DPYD: variants seen among roughly 807,000 people sequenced by gnomAD.
DPYD encodes dihydropyrimidine dehydrogenase [NADP(+)].
DPYD carries 109 observed loss-of-function variants against 116.2 expected under a neutral mutation model. That is an observed-to-expected ratio of 0.94 (90% CI 0.80 to 1.10). DPYD has a LOEUF of 1.10. DPYD is among the 50% of genes least tolerant of loss of function. The pLI is 0.00. For missense variants in DPYD, 1,302 were observed against 1,254.5 expected, an observed-to-expected ratio of 1.04 and a Z score of -0.57; for synonymous variants, 440 against 432.0, an observed-to-expected ratio of 1.02 and a Z score of -0.23.
intron 5 of DPYD, among the ~76,000 whole-genome samples, chr1:97,707,455 C>T (rs907879448): frequency 8.5e-6 from 1 of 117,478 alleles, no homozygotes; most frequent in Admixed American, 1.0e-4. Context: ...CCCCCCACCC[C>T]ACAACAGTCC....
At chr1:97,365,473 G>A (rs1670980667) in intron 16 of DPYD, among the ~76,000 whole-genome samples, 1 of 151,992 alleles carries the variant, frequency 6.6e-6, no homozygotes, top group South Asian at 2.1e-4. Flanking sequence ...TCATCCTTAT[G>A]CTATAGTCAA....
chr1:97,648,148 C>T (rs1441666807), intron 8 of DPYD, among the ~76,000 whole-genome samples: 1 of 151,982 alleles, frequency 6.6e-6, no homozygotes, highest in Non-Finnish European at 1.5e-5. Flanking sequence ...TAGTTTTGGT[C>T]TGGCAATCAG....
rs1038952951 is a variant in DPYD at position 97,373,557 on chromosome 1, T to C, written c.2058+4A>G. 5 of 1,613,516 alleles carry C rather than the reference T, an allele frequency of 3.1e-6. No individual in the cohort carries two copies. The African/African-American group carries it at 5.3e-5, about 17-fold the overall frequency. On this transcript the variant is annotated splice_donor_region_variant and intron_variant, in intron 16 of 22. Transcript: ENST00000370192. ...TACTTAGTGGCAGCTGTCAAGGTCC[T>C]TACCTGCCCACAGGCCAGGCCCATT...
rs774500505 is a variant in DPYD at position 97,515,848 on chromosome 1, A to G, written c.1618T>C (p.Leu540=). Residue 540 remains leucine (L), a synonymous_variant, in exon 13 of 23, where the codon TTG becomes CTG. Coordinates refer to ENST00000370192, the MANE Select transcript of DPYD (RefSeq NM_000110.4). The stretch of plus-strand genomic sequence containing the variant: ...AGACCAAAAGGATTTATAAACTTCA[A>G]TCCGGCCATTTCTACACTAATGTCC... ...LVDISVEMAG[L]KFINPFGLAS... is the part of the protein sequence containing the mutation. The G allele has an allele frequency of 6.2e-7, 1 of 1,612,848 alleles. No individual in the cohort carries two copies. The highest frequency in any genetic ancestry group is 8.5e-7 in the Non-Finnish European group (1 of 1,179,274).
In DPYD at chr1:97,280,689, T is replaced by C. The variant is rs1398369771; in HGVS notation, c.2299+24570A>G. 3.3e-5 allele frequency among the ~76,000 whole-genome samples: 5 copies of C among 152,002 alleles called. No homozygotes were observed. In the South Asian group the frequency reaches 6.2e-4, roughly 19 times the overall value. ...CACTCACATGTGGAATCTGAAAAAG[T>C]TGATTTCATGGAAGTAGAGAGTAGA... On this transcript the variant is annotated intron_variant, in intron 18 of 22. Coordinates refer to ENST00000370192, the MANE Select transcript of DPYD (RefSeq NM_000110.4).
intron 15 of DPYD, among the ~76,000 whole-genome samples, chr1:97,379,192 C>T (rs763470782): frequency 7.9e-5 from 12 of 151,914 alleles, no homozygotes; most frequent in Admixed American, 2.6e-4. Flanking sequence ...GAGTTGGGAA[C>T]GTGTTGGAGG....
rs1228179784 is a variant in DPYD, at chr1:97,593,282, C to G, written c.1064G>C (p.Gly355Ala). 6.2e-7 allele frequency: 1 copy of G among 1,614,134 alleles called. No homozygotes were observed. The highest frequency in any genetic ancestry group is 1.1e-5 in the South Asian group (1 of 91,084). ...FDCATSALRCGARRVFIVFRK... is the reference protein window; with the variant it reads ...FDCATSALRCAARRVFIVFRK... Reference sequence around the variant, plus strand: ...GAAGACGATGAACACACGGCGAGCTCCACAACGTAGAGCAGATGTTGCACA... The same window carrying G: ...GAAGACGATGAACACACGGCGAGCTGCACAACGTAGAGCAGATGTTGCACA... Residue 355 changes from glycine (G) to alanine (A), a missense_variant, in exon 10 of 23, where the codon GGA becomes GCA. Coordinates refer to ENST00000370192, the MANE Select transcript of DPYD (RefSeq NM_000110.4).
intron 20 of DPYD, among the ~76,000 whole-genome samples, chr1:97,136,704 G>C (rs543236214): frequency 1.3e-5 from 2 of 152,092 alleles, no homozygotes; most frequent in Non-Finnish European, 2.9e-5. Flanking sequence ...AATCACGAAC[G>C]AATAGTCTGA....
At chr1:97,420,987 AG>A (rs1168053923) in intron 14 of DPYD, among the ~76,000 whole-genome samples, 15 of 152,118 alleles carry the variant, frequency 9.9e-5, no homozygotes, top group African/African-American at 3.6e-4. Flanking sequence ...TGAGATTGTG[AG>A]CACTGTGACA....
intron 8 of DPYD, among the ~76,000 whole-genome samples, chr1:97,601,951 A>G (rs767619489): frequency 6.6e-6 from 1 of 152,042 alleles, no homozygotes; most frequent in Non-Finnish European, 1.5e-5. Context: ...ACTGCTGTCT[A>G]TACTCTTTCT....
intron 20 of DPYD, among the ~76,000 whole-genome samples, chr1:97,117,291 GC>G (rs1652052845): frequency 6.6e-6 from 1 of 152,132 alleles, no homozygotes; most frequent in African/African-American, 2.4e-5. Flanking sequence ...ATCAAGTGTC[GC>G]TCATTTATCT....
At chr1:97,912,623 T>A (rs1674006932) in intron 1 of DPYD, among the ~76,000 whole-genome samples, 1 of 152,108 alleles carries the variant, frequency 6.6e-6, no homozygotes, top group African/African-American at 2.4e-5. Flanking sequence ...GTTTTAAATC[T>A]TCTGTAATAA....
chr1:97,366,886 A>G (rs1327926857), intron 16 of DPYD, among the ~76,000 whole-genome samples: 1 of 152,054 alleles, frequency 6.6e-6, no homozygotes, highest in Admixed American at 6.6e-5. Context: ...AACCTTTGGG[A>G]TTTCTTATAT....
intron 15 of DPYD, among the ~76,000 whole-genome samples, chr1:97,376,887 G>GTGTATATATATATATATATATA: frequency 2.3e-5 from 3 of 128,446 alleles, no homozygotes; most frequent in East Asian, 5.2e-4. Context: ...GTGTGTGTGT[G>GTGTATATATATATATATATATA]TATATATATA....
chr1:97,618,367 G>A (rs929278128), intron 8 of DPYD, among the ~76,000 whole-genome samples: 1 of 145,514 alleles, frequency 6.9e-6, no homozygotes, highest in Middle Eastern at 3.6e-3. Flanking sequence ...TTCTGTCAAG[G>A]ATTTTTTTTC....
intron 18 of DPYD, among the ~76,000 whole-genome samples, chr1:97,303,640 GA>G (rs1429197761): frequency 6.6e-6 from 1 of 151,938 alleles, no homozygotes; most frequent in Non-Finnish European, 1.5e-5. Context: ...TTTAAAGGAG[GA>G]AAACTATATT....
intron 19 of DPYD, among the ~76,000 whole-genome samples, chr1:97,211,524 A>G (rs1390546764): frequency 6.6e-6 from 1 of 152,168 alleles, no homozygotes; most frequent in Non-Finnish European, 1.5e-5. Flanking sequence ...TATGAACCTT[A>G]TGACTGAGTT....
At chr1:97,568,576 A>G (rs1652689378) in intron 11 of DPYD, among the ~76,000 whole-genome samples, 1 of 152,106 alleles carries the variant, frequency 6.6e-6, no homozygotes, top group Non-Finnish European at 1.5e-5. Context: ...CTCTCAGCCA[A>G]TATACCAGAT....
chr1:97,130,316 T>C (rs923480513), intron 20 of DPYD, among the ~76,000 whole-genome samples: 2 of 152,194 alleles, frequency 1.3e-5, no homozygotes, highest in Non-Finnish European at 2.9e-5. Context: ...GTATCAGAGA[T>C]GTGGTTCTAG....
Sources: allele counts gnomAD v4.1 joint callset (sites outside exome capture counted in the v4.1 genomes callset), GRCh38; gene constraint gnomAD v4.1.1; transcripts MANE v1.5; gene names NCBI Gene and HGNC (gene_info 2026-07-23, HGNC 2026-07-21).